HHIP: variants seen among roughly 807,000 people sequenced by gnomAD.
The protein encoded by HHIP is hedgehog interacting protein.
Under a neutral mutation model 74.0 loss-of-function variants are expected in HHIP, and 12 were observed. The ratio of observed to expected loss-of-function variants is 0.16; its 90% CI spans 0.10 to 0.26. The LOEUF (loss-of-function observed/expected upper bound fraction) is 0.26, where lower values mean the gene tolerates loss of function less well. HHIP is among the 10% of genes least tolerant of loss of function. The probability of loss-of-function intolerance (pLI) is 1.00; values close to 1 mark genes in which losing one functional copy is unlikely to be tolerated. For missense variants in HHIP, 788 were observed against 845.0 expected (o/e 0.93, Z 0.84); for synonymous variants, 309 against 311.6 (o/e 0.99, Z 0.09).
intron 8 of HHIP, among the ~76,000 whole-genome samples, chr4:144,713,299 T>C (rs554271038): frequency 1.3e-5 from 2 of 152,212 alleles, no homozygotes; most frequent in African/African-American, 4.8e-5. Context: ...ACTCCAGAGT[T>C]TGTGACCTTA....
At chr4:144,692,202 A>G (rs555554716) in intron 4 of HHIP, among the ~76,000 whole-genome samples, 2 of 152,138 alleles carry the variant, frequency 1.3e-5, no homozygotes, top group East Asian at 1.9e-4. Context: ...ATAAAAAAAA[A>G]GCTGAAGCTC....
intron 4 of HHIP, among the ~76,000 whole-genome samples, chr4:144,673,256 T>C (rs1301269738): frequency 6.6e-6 from 1 of 152,200 alleles, no homozygotes; most frequent in Non-Finnish European, 1.5e-5. Context: ...TATTGCAAAT[T>C]TTTTCCTATT....
intron 7 of HHIP, among the ~76,000 whole-genome samples, chr4:144,711,145 G>A (rs1730286219): frequency 6.6e-6 from 1 of 152,134 alleles, no homozygotes; most frequent in South Asian, 2.1e-4. Flanking sequence ...CAACGTAAAA[G>A]ACCTCGATAT....
intron 4 of HHIP, among the ~76,000 whole-genome samples, chr4:144,693,852 G>A (rs1221015403): frequency 6.6e-6 from 1 of 151,650 alleles, no homozygotes; most frequent in Admixed American, 6.6e-5. Flanking sequence ...TATATTATTA[G>A]TTTTTATTCA....
At chr4:144,691,590 A>G (rs1729670691) in intron 4 of HHIP, among the ~76,000 whole-genome samples, 1 of 152,168 alleles carries the variant, frequency 6.6e-6, no homozygotes, top group Non-Finnish European at 1.5e-5. Flanking sequence ...ATAATCACAT[A>G]TAGTACATAT....
intron 2 of HHIP, among the ~76,000 whole-genome samples, chr4:144,657,986 G>A (rs1728597690): frequency 6.6e-6 from 1 of 152,092 alleles, no homozygotes; most frequent in South Asian, 2.1e-4. Context: ...TTATTCATTA[G>A]ATTTATTATT....
rs1731199156 is a variant in HHIP, at chr4:144,739,010, C to T, written c.*1053C>T. The T allele has an allele frequency of 2.0e-5, 3 of 152,214 alleles. No individual in the cohort carries two copies. The highest frequency in any genetic ancestry group is 2.0e-4 in the Admixed American group (3 of 15,272). The allele number at this position is 152,214 out of a possible 1,614,324, so 9.4% of individuals were successfully genotyped here. A position where few individuals can be genotyped will look rare whatever the true frequency, so the allele number is the denominator to read the frequency against. ...AGAATGTTGCAGATTTCCACTGAAT[C>T]GAACCTCACTGGAGAAGAGCTCACT... On this transcript the variant is annotated 3_prime_UTR_variant, in exon 13 of 13. Transcript: ENST00000296575.
chr4:144,658,583 G>T (rs1728613633), intron 2 of HHIP, among the ~76,000 whole-genome samples: 1 of 151,632 alleles, frequency 6.6e-6, no homozygotes, highest in Non-Finnish European at 1.5e-5. Flanking sequence ...TGACCAGGTT[G>T]GTCTCAAACT....
In HHIP at chr4:144,744,446, G is replaced by A. The variant is rs1173088414; in HGVS notation, c.*6489G>A. The A allele has an allele frequency of 6.6e-6, 1 of 152,154 alleles. No individual in the cohort carries two copies. The highest frequency in any genetic ancestry group is 1.5e-5 in the Non-Finnish European group (1 of 68,038). 9.4% of individuals were successfully genotyped at this position (152,154 alleles called of 1,614,324 possible). A position where few individuals can be genotyped will look rare whatever the true frequency, so the allele number is the denominator to read the frequency against. On this transcript the variant is annotated 3_prime_UTR_variant, in exon 13 of 13. Transcript: ENST00000296575. The stretch of plus-strand genomic sequence containing the variant: ...AGAGCCTTACTCGCAGGAGACACCA[G>A]ACCCAACCCATGCTTAGATTTCTGT...
rs1400634533 is a variant in HHIP at position 144,679,663 on chromosome 4, G to C, written c.831+19825G>C. On this transcript the variant is annotated intron_variant, in intron 4 of 12. Transcript: ENST00000296575. ...CCCATTGCTTGTTTTCATCCGGTTTGTCAAAGATCAGATAATTGTAGATGT... is the reference window on the plus strand; with the variant it reads ...CCCATTGCTTGTTTTCATCCGGTTTCTCAAAGATCAGATAATTGTAGATGT... Among the ~76,000 whole-genome samples the C allele has an allele frequency of 2.6e-5, 4 of 152,244 alleles. No homozygotes were observed. The East Asian group carries it at 7.7e-4, about 29-fold the overall frequency.
In HHIP at chr4:144,658,811, A is replaced by C; in HGVS notation, c.494A>C (p.Asp165Ala). ...AAAGGTTTCCTTCAAACAACTGCGG[A>C]TGAGTTTTGCTTTTACTATGCAAGA... is the stretch of plus-strand genomic sequence containing the variant. ...HIPGFLQTTADEFCFYYARKD... is the reference protein window; with the variant it reads ...HIPGFLQTTAAEFCFYYARKD... Residue 165 changes from aspartate (D) to alanine (A), a missense_variant, in exon 3 of 13, where the codon GAT becomes GCT. Asp to Ala is a moderately radical substitution (Grantham distance 126, BLOSUM62 -2). This residue lies in a region of HHIP where 373 missense variants were observed against 366.4 expected (regional missense o/e 1.02). Coordinates refer to ENST00000296575, the MANE Select transcript of HHIP (RefSeq NM_022475.3). 1 of 1,612,784 alleles carries C rather than the reference A, an allele frequency of 6.2e-7. No individual in the cohort carries two copies. Among genetic ancestry groups the C allele is most frequent in the Non-Finnish European group, 8.5e-7 (1 of 1,179,300 alleles).
At position 144,652,697 on chromosome 4, in the gene HHIP, C is replaced by T. The variant is rs761646172; in HGVS notation, c.372C>T (p.His124=). ...CTCCACATTCTCAAAGCCTGTTCCA[C>T]TCACCTGAGAGAGAAGTCTTGGAAA... ...LCSPHSQSLF[H]SPEREVLERD... is the part of the protein sequence containing the mutation. The change falls in exon 2 of 13, where the codon CAC becomes CAT. Residue 124 remains histidine, a synonymous_variant. Coordinates refer to ENST00000296575, the MANE Select transcript of HHIP (RefSeq NM_022475.3). 1.4e-5 allele frequency: 22 copies of T among 1,611,160 alleles called. No homozygotes were observed. The highest frequency in any genetic ancestry group is 1.9e-5 in the Non-Finnish European group (22 of 1,177,550).
intron 4 of HHIP, among the ~76,000 whole-genome samples, chr4:144,682,761 C>A (rs1729381669): frequency 6.6e-6 from 1 of 152,214 alleles, no homozygotes; most frequent in Non-Finnish European, 1.5e-5. Context: ...CAAGTTAAAA[C>A]TGTATTTACG....
intron 1 of HHIP, among the ~76,000 whole-genome samples, chr4:144,649,460 AT>A (rs1435575107): frequency 6.6e-6 from 1 of 152,078 alleles, no homozygotes; most frequent in African/African-American, 2.4e-5. Flanking sequence ...CTCTATTTTA[AT>A]TTTTTGTATA....
Position 144,659,737 on chromosome 4 carries a change from A to G in HHIP, c.730A>G (p.Ile244Val), listed in dbSNP as rs1276358613. ...HSGDGSQRLF[I>V]LEKEGYVKIL... ...TGGGGATGGCTCGCAACGTCTCTTC[A>G]TTCTGGAAAAAGAAGGTTATGTGAA... is the stretch of plus-strand genomic sequence containing the variant. The change falls in exon 4 of 13, where the codon ATT becomes GTT. Residue 244 changes from isoleucine to valine, a missense_variant. Ile to Val is a conservative substitution (Grantham distance 29). Transcript: ENST00000296575. 3 of 1,611,648 alleles carry G rather than the reference A, an allele frequency of 1.9e-6. No homozygotes were observed. The Admixed American group carries it at 5.0e-5, about 27-fold the overall frequency.
At chr4:144,647,197 A>T in intron 1 of HHIP, 1 of 468,886 alleles carries the variant, frequency 2.1e-6, no homozygotes. Context: ...CTGAAAACAG[A>T]CGTTTCTGCG....
chr4:144,740,328 A>T lies in HHIP; in HGVS notation c.*2371A>T, dbSNP rs540114374. On this transcript the variant is annotated 3_prime_UTR_variant, in exon 13 of 13. Transcript: ENST00000296575. ...TAAGTTGACCAGGCCCAGATTTTTT[A>T]TACAGCTTTTTCCCAAGTGAAAGAT... 1 of 152,296 alleles carries T rather than the reference A, an allele frequency of 6.6e-6. No homozygotes were observed. Among genetic ancestry groups the T allele is most frequent in the African/African-American group, 2.4e-5 (1 of 41,560 alleles). The allele number at this position is 152,296 out of a possible 1,614,324, so 9.4% of individuals were successfully genotyped here.
intron 12 of HHIP, among the ~76,000 whole-genome samples, chr4:144,736,671 C>T (rs886330264): frequency 6.6e-6 from 1 of 152,040 alleles, no homozygotes; most frequent in Non-Finnish European, 1.5e-5. Context: ...TAAAGTTTTA[C>T]TCCATGAGGT....
intron 4 of HHIP, among the ~76,000 whole-genome samples, chr4:144,689,043 A>G (rs1366072594): frequency 6.6e-6 from 1 of 152,254 alleles, no homozygotes; most frequent in African/African-American, 2.4e-5. Context: ...TGCAAAAAGA[A>G]AAAAAGAATC....
Sources: gnomAD v4.1 joint callset for allele counts (sites outside exome capture counted in the v4.1 genomes callset) on GRCh38, gnomAD v4.1.1 for gene constraint, gnomAD v4.1.1 regional missense constraint, MANE v1.5 for transcripts, NCBI Gene and HGNC (gene_info 2026-07-23, HGNC 2026-07-21) for gene names.